Variants in FCHSD2 observed in about 807,000 individuals in gnomAD.
FCHSD2 encodes the protein FCH and double SH3 domains 2, also known as F-BAR and double SH3 domains protein 2.
FCHSD2 carries 38 observed loss-of-function variants against 108.1 expected under a neutral mutation model. That is an observed-to-expected ratio of 0.35 (90% CI 0.27 to 0.46). The LOEUF is 0.46. Ranked by LOEUF, FCHSD2 falls within the 20% of genes least tolerant of loss-of-function variation. The pLI, the probability that FCHSD2 is intolerant of heterozygous loss-of-function variation, is 1.00. For synonymous variants in FCHSD2, 279 were observed against 314.7 expected (o/e 0.89, Z 1.20); for missense variants, 751 against 897.8 (o/e 0.84, Z 2.09).
intron 13 of FCHSD2, among the ~76,000 whole-genome samples, chr11:72,851,945 C>T (rs1381024514): frequency 7.0e-6 from 1 of 142,386 alleles, no homozygotes; most frequent in African/African-American, 2.6e-5. Flanking sequence ...GACACAATCA[C>T]GGTTCATTGC....
chr11:73,136,261 ATTTTT>A (rs770960732), intron 2 of FCHSD2, among the ~76,000 whole-genome samples: 1 of 151,568 alleles, frequency 6.6e-6, no homozygotes, highest in Admixed American at 6.6e-5. Flanking sequence ...TGTGCTGTAG[ATTTTT>A]TTTTAACTTT....
At chr11:73,090,094 A>G (rs1859917227) in intron 2 of FCHSD2, among the ~76,000 whole-genome samples, 1 of 152,152 alleles carries the variant, frequency 6.6e-6, no homozygotes, top group African/African-American at 2.4e-5. Context: ...TTATCAGTAA[A>G]TTGTGTTGGG....
chr11:72,900,176 C>A (rs1591380489), intron 10 of FCHSD2: 1 of 984,646 alleles, frequency 1.0e-6, no homozygotes, highest in Non-Finnish European at 1.5e-6. Flanking sequence ...TAACTTTCAT[C>A]CCAACACCAG....
chr11:72,848,403 T>A (rs1861202590), intron 14 of FCHSD2, among the ~76,000 whole-genome samples: 1 of 152,208 alleles, frequency 6.6e-6, no homozygotes, highest in African/African-American at 2.4e-5. Context: ...TCTCACTGCA[T>A]CTAGAAAGGT....
At position 72,838,894 on chromosome 11, in the gene FCHSD2, G is replaced by A. The variant is rs753124464; in HGVS notation, c.2140-20C>T. ...CCGGACCTGAGCAGGAAACAATTAC[G>A]TAGTTTGTCAGTCAGTTCCTGACTC... is the stretch of plus-strand genomic sequence containing the variant. On this transcript the variant is annotated intron_variant, in intron 19 of 19. Transcript: ENST00000409418. 3.2e-5 allele frequency: 51 copies of A among 1,593,646 alleles called. No individual in the cohort carries two copies. In the East Asian group the frequency reaches 6.3e-4, roughly 20 times the overall value.
intron 10 of FCHSD2, among the ~76,000 whole-genome samples, chr11:72,900,967 C>T (rs1855514041): frequency 6.6e-6 from 1 of 152,176 alleles, no homozygotes; most frequent in African/African-American, 2.4e-5. Context: ...CAATGCGTGC[C>T]TTCTCATTTT....
At chr11:72,937,004 A>C (rs1163858285) in intron 8 of FCHSD2, among the ~76,000 whole-genome samples, 1 of 152,170 alleles carries the variant, frequency 6.6e-6, no homozygotes, top group Non-Finnish European at 1.5e-5. Context: ...TATGCTTCAT[A>C]ATCTTGTTAA....
At chr11:73,117,601 CAGTT>C (rs1279163375) in intron 2 of FCHSD2, among the ~76,000 whole-genome samples, 1 of 152,128 alleles carries the variant, frequency 6.6e-6, no homozygotes, top group African/African-American at 2.4e-5. Context: ...TACTTTAACT[CAGTT>C]AGTAGTGGTT....
chr11:73,035,398 G>A (rs1858466854), intron 3 of FCHSD2, among the ~76,000 whole-genome samples: 1 of 151,970 alleles, frequency 6.6e-6, no homozygotes. Context: ...GAACTCCTAA[G>A]CTCAAGCAAT....
chr11:72,883,270 G>A (rs757573548), intron 12 of FCHSD2, among the ~76,000 whole-genome samples: 5 of 152,098 alleles, frequency 3.3e-5, no homozygotes, highest in South Asian at 2.1e-4. Flanking sequence ...CCTTGATCAG[G>A]CAAAAATTTC....
At chr11:72,932,008 C>T (rs1383632688) in intron 8 of FCHSD2, among the ~76,000 whole-genome samples, 1 of 152,224 alleles carries the variant, frequency 6.6e-6, no homozygotes, top group East Asian at 1.9e-4. Context: ...CAAATTGCCT[C>T]TTAGACTGAA....
chr11:72,895,763 G>C (rs1046815085), intron 10 of FCHSD2, among the ~76,000 whole-genome samples: 1 of 152,106 alleles, frequency 6.6e-6, no homozygotes, highest in African/African-American at 2.4e-5. Flanking sequence ...ATTCTAAAAC[G>C]CAACACTCAT....
At chr11:73,047,124 T>C (rs977210067) in intron 3 of FCHSD2, among the ~76,000 whole-genome samples, 1 of 151,862 alleles carries the variant, frequency 6.6e-6, no homozygotes, top group East Asian at 1.9e-4. Context: ...AAACTACATA[T>C]TAAATGAGTA....
At chr11:73,096,005 A>T (rs552778655) in intron 2 of FCHSD2, among the ~76,000 whole-genome samples, 4 of 152,092 alleles carry the variant, frequency 2.6e-5, no homozygotes, top group African/African-American at 9.7e-5. Context: ...CTAATATCCT[A>T]AAGTGCTATA....
intron 8 of FCHSD2, among the ~76,000 whole-genome samples, chr11:72,959,220 CTTTTTTTTTTTTT>C (rs11408216): frequency 1.8e-5 from 1 of 56,294 alleles, no homozygotes; most frequent in African/African-American, 7.1e-5. Context: ...ATCCAGCAGT[CTTTTTTTTTTTTT>C]TTTTTTTTTT....
chr11:72,955,555 C>T (rs1312072267), intron 8 of FCHSD2, among the ~76,000 whole-genome samples: 1 of 152,140 alleles, frequency 6.6e-6, no homozygotes. Flanking sequence ...AAAGTTCCAA[C>T]CCTTTAATCA....
rs570070647 is a variant in FCHSD2, at chr11:73,087,726, A to T, written c.120-3986T>A. ...TCTCAAAAAAAAAAAAAAAATTTTT[A>T]AAATAAATTTAGTGCAGCCTAAGTG... On this transcript the variant is annotated intron_variant, in intron 2 of 19. Transcript: ENST00000409418. Among the ~76,000 whole-genome samples, 357 of 151,658 alleles carry T rather than the reference A, an allele frequency of 2.4e-3. 4 individuals carry two copies. The highest frequency in any genetic ancestry group is 8.7e-3 in the East Asian group (45 of 5,182).
At chr11:73,078,821 T>C (rs978239266) in intron 3 of FCHSD2, among the ~76,000 whole-genome samples, 11 of 152,178 alleles carry the variant, frequency 7.2e-5, no homozygotes, top group Admixed American at 1.3e-4. Context: ...TGGACTCACG[T>C]GATTCTCCTG....
At chr11:73,097,087 C>T (rs1321023138) in intron 2 of FCHSD2, among the ~76,000 whole-genome samples, 6 of 141,734 alleles carry the variant, frequency 4.2e-5, no homozygotes, top group African/African-American at 1.3e-4. Context: ...ACTGCAGCCT[C>T]GACCTCCCAG....
Sources: allele counts gnomAD v4.1 joint callset (sites outside exome capture counted in the v4.1 genomes callset), GRCh38; gene constraint gnomAD v4.1.1; transcripts MANE v1.5; gene names NCBI Gene and HGNC (gene_info 2026-07-23, HGNC 2026-07-21).